Variants in RGS6 observed in about 807,000 individuals in gnomAD.
RGS6 encodes regulator of G-protein signaling 6.
A neutral mutation model predicts 78.5 loss-of-function variants in RGS6; 30 were observed. That is an observed-to-expected ratio of 0.38 (90% confidence interval 0.29 to 0.52). The LOEUF is 0.52. Among genes scored for constraint, RGS6 ranks in the 20% least tolerant of loss-of-function variants. RGS6 has a pLI of 0.85. For missense variants in RGS6, 495 were observed against 609.7 expected (o/e 0.81, Z 1.98); for synonymous variants, 206 against 206.0 (o/e 1.00, Z 0.00).
In RGS6 at chr14:72,247,013, G is replaced by C. The variant is rs911749946; in HGVS notation, c.85-105082G>C. Among the ~76,000 whole-genome samples, 3 of 151,996 alleles carry C rather than the reference G, an allele frequency of 2.0e-5. No homozygotes were observed. The South Asian group carries it at 6.2e-4, about 32-fold the overall frequency. On this transcript the variant is annotated intron_variant, in intron 2 of 17. Transcript: ENST00000553525. ...TATGCTGGGGACTCCCTGTGTTCCT[G>C]CACACCTGCCCAGGCTCTCTCCTCT... is the stretch of plus-strand genomic sequence containing the variant.
In RGS6 at chr14:72,447,372, A is replaced by G. The variant is rs566577919; in HGVS notation, c.185-7156A>G. Among the ~76,000 whole-genome samples, 11 of 152,284 alleles carry G rather than the reference A, an allele frequency of 7.2e-5. No homozygotes were observed. In the East Asian group the frequency reaches 2.1e-3, roughly 29 times the overall value. On this transcript the variant is annotated intron_variant, in intron 3 of 17. Coordinates refer to ENST00000553525, the MANE Select transcript of RGS6 (RefSeq NM_001204424.2). Reference sequence around the variant, plus strand: ...CAGTGAGGCCTCACCAGACTAGTAGAGTTGTCCAGCCACAATGCCCTCCTC... The same window carrying G: ...CAGTGAGGCCTCACCAGACTAGTAGGGTTGTCCAGCCACAATGCCCTCCTC...
intron 2 of RGS6, among the ~76,000 whole-genome samples, chr14:72,020,529 C>T (rs893041807): frequency 2.7e-5 from 4 of 150,440 alleles, no homozygotes; most frequent in Non-Finnish European, 5.9e-5. Context: ...AAGGAGGCCA[C>T]TGTTTTCTTG....
intron 2 of RGS6, among the ~76,000 whole-genome samples, chr14:72,148,079 C>T (rs974550377): frequency 1.4e-5 from 2 of 145,580 alleles, no homozygotes; most frequent in Admixed American, 7.1e-5. Flanking sequence ...TGCAGTGAGC[C>T]GAGATTGCAC....
At chr14:72,486,072 C>T (rs1175895880) in intron 12 of RGS6, among the ~76,000 whole-genome samples, 3 of 145,716 alleles carry the variant, frequency 2.1e-5, no homozygotes, top group Non-Finnish European at 4.5e-5. Flanking sequence ...AGTAAGTTCT[C>T]ATGAGACCTG....
chr14:72,317,401 A>T (rs549239918), intron 2 of RGS6, among the ~76,000 whole-genome samples: 1 of 152,234 alleles, frequency 6.6e-6, no homozygotes, highest in East Asian at 1.9e-4. Context: ...TCCTTCCAGA[A>T]TTAAAAGGTC....
chr14:72,397,763 G>A (rs1019436852), intron 3 of RGS6, among the ~76,000 whole-genome samples: 61 of 152,278 alleles, frequency 4.0e-4, no homozygotes, highest in South Asian at 1.2e-3. Flanking sequence ...AGCATGAAGC[G>A]TTGTTGAATT....
At chr14:72,546,388 C>T (rs898744297) in intron 17 of RGS6, among the ~76,000 whole-genome samples, 1 of 152,176 alleles carries the variant, frequency 6.6e-6, no homozygotes, top group Non-Finnish European at 1.5e-5. Context: ...CAAAGTGGCT[C>T]CTCACGGGGT....
chr14:72,051,398 C>G (rs1306082728), intron 2 of RGS6, among the ~76,000 whole-genome samples: 1 of 151,764 alleles, frequency 6.6e-6, no homozygotes, highest in Non-Finnish European at 1.5e-5. Flanking sequence ...AGCCATGGTT[C>G]TTTACGTATG....
intron 17 of RGS6, among the ~76,000 whole-genome samples, chr14:72,553,678 T>C (rs974082649): frequency 2.0e-5 from 3 of 152,110 alleles, no homozygotes; most frequent in Non-Finnish European, 4.4e-5. Flanking sequence ...GTAACTCTCT[T>C]CTCCTAGTCC....
At chr14:72,318,141 A>G (rs375763882) in intron 2 of RGS6, among the ~76,000 whole-genome samples, 4 of 151,972 alleles carry the variant, frequency 2.6e-5, no homozygotes, top group South Asian at 2.1e-4. Context: ...ACCACCCTCT[A>G]TTGCTCAGTG....
intron 2 of RGS6, among the ~76,000 whole-genome samples, chr14:72,005,454 T>TGTCTATCTATCTA (rs2084351453): frequency 6.6e-6 from 1 of 151,086 alleles, no homozygotes; most frequent in Non-Finnish European, 1.5e-5. Context: ...TCTATCTATC[T>TGTCTATCTATCTA]ATCTATCTAT....
At chr14:72,374,671 A>C (rs1315495094) in intron 3 of RGS6, among the ~76,000 whole-genome samples, 3 of 152,230 alleles carry the variant, frequency 2.0e-5, no homozygotes, top group Admixed American at 6.5e-5. Flanking sequence ...AAAACAAAAC[A>C]ACATAAGGAT....
At chr14:72,374,933 T>C (rs1452957142) in intron 3 of RGS6, among the ~76,000 whole-genome samples, 1 of 152,156 alleles carries the variant, frequency 6.6e-6, no homozygotes, top group Non-Finnish European at 1.5e-5. Flanking sequence ...AGTAGCCAAA[T>C]GGAATCTCTG....
chr14:72,304,280 T>C (rs1258324585), intron 2 of RGS6, among the ~76,000 whole-genome samples: 1 of 152,232 alleles, frequency 6.6e-6, no homozygotes, highest in Non-Finnish European at 1.5e-5. Context: ...CTTCTCATAT[T>C]ATTTAGGGCA....
At chr14:72,431,435 C>T (rs1396770196) in intron 3 of RGS6, among the ~76,000 whole-genome samples, 2 of 152,206 alleles carry the variant, frequency 1.3e-5, no homozygotes, top group Non-Finnish European at 2.9e-5. Context: ...TCACTGCAAC[C>T]TCTGCCTCCT....
chr14:72,143,419 C>T (rs1049151921), intron 2 of RGS6, among the ~76,000 whole-genome samples: 1 of 152,080 alleles, frequency 6.6e-6, no homozygotes, highest in Non-Finnish European at 1.5e-5. Context: ...ATTTATTTCA[C>T]CCTACACTCC....
intron 3 of RGS6, among the ~76,000 whole-genome samples, chr14:72,408,423 G>T (rs147624199): frequency 2.6e-5 from 4 of 152,302 alleles, no homozygotes; most frequent in African/African-American, 9.6e-5. Flanking sequence ...AGATTTCAGT[G>T]CCTTTGTTCT....
At chr14:72,291,550 A>C (rs948453974) in intron 2 of RGS6, among the ~76,000 whole-genome samples, 4 of 152,150 alleles carry the variant, frequency 2.6e-5, no homozygotes, top group Non-Finnish European at 4.4e-5. Flanking sequence ...CATCTCTGTA[A>C]CCTCACAGTA....
At chr14:72,604,999 A>G in the RGS6 span, among the ~76,000 whole-genome samples, 1 of 152,120 alleles carries the variant, frequency 6.6e-6, no homozygotes, top group African/African-American at 2.4e-5. Flanking sequence ...GGAGGTGGGG[A>G]GCACCAGGTC....
Sources: gnomAD v4.1 joint callset for allele counts (sites outside exome capture counted in the v4.1 genomes callset) on GRCh38, gnomAD v4.1.1 for gene constraint, MANE v1.5 for transcripts, NCBI Gene and HGNC (gene_info 2026-07-23, HGNC 2026-07-21) for gene names.